Variants in ATG16L1 observed in about 807,000 individuals in gnomAD.
ATG16L1 encodes the protein autophagy-related protein 16-1.
Under a neutral mutation model 88.5 loss-of-function variants are expected in ATG16L1, and 37 were observed. The observed-to-expected ratio is 0.42, with a 90% CI of 0.32 to 0.55. The LOEUF (loss-of-function observed/expected upper bound fraction) is 0.55. ATG16L1 is among the 20% of genes least tolerant of loss of function. The pLI, the probability that ATG16L1 is intolerant of heterozygous loss-of-function variation, is 0.13. For synonymous variants in ATG16L1, 301 were observed against 281.0 expected (o/e 1.07, Z -0.71); for missense variants, 554 against 752.8 (o/e 0.74, Z 3.09).
chr2:233,281,955 G>A (rs1698746775), intron 11 of ATG16L1, among the ~76,000 whole-genome samples: 1 of 152,176 alleles, frequency 6.6e-6, no homozygotes, highest in Non-Finnish European at 1.5e-5. Context: ...AAGTGTCTGG[G>A]CGTTAATCAT....
chr2:233,263,897 T>C (rs1697384605), intron 3 of ATG16L1, 95 bp from the exon 4 acceptor site: 1 of 1,252,182 alleles, frequency 8.0e-7, no homozygotes. Flanking sequence ...CCAGCTCATT[T>C]ATTCTTTCTT....
rs185597903 is a variant in ATG16L1 at position 233,264,078 on chromosome 2, C to T, written c.389+13C>T. 7.7e-5 allele frequency: 125 copies of T among 1,613,640 alleles called. No homozygotes were observed. In the East Asian group the frequency reaches 2.0e-3, roughly 26 times the overall value. On this transcript the variant is annotated intron_variant, in intron 4 of 17. Transcript: ENST00000392017. ...TGAATGAAGCAAAGTGAGTAGAGAC[C>T]CCGCCTCCTTGGAGCCTGGTCATTG...
chr2:233,292,329 C>A, intron 15 of ATG16L1, 52 bp downstream of exon 15: 1 of 1,610,360 alleles, frequency 6.2e-7, no homozygotes, highest in Non-Finnish European at 8.5e-7. Context: ...GCCCTGCTCT[C>A]TTAACGTGCT....
chr2:233,294,176 A>G, intron 17 of ATG16L1, 81 bp from the exon 18 acceptor site: 1 of 1,177,706 alleles, frequency 8.5e-7, no homozygotes, highest in South Asian at 1.6e-5. Flanking sequence ...CCCTGAATGC[A>G]CAAGCTTCTG....
intron 2 of ATG16L1, among the ~76,000 whole-genome samples, chr2:233,259,678 C>T (rs1271523511): frequency 1.3e-5 from 2 of 152,098 alleles, no homozygotes; most frequent in African/African-American, 4.8e-5. Flanking sequence ...ATAAGCCTGC[C>T]CTCCTGACTT....
chr2:233,252,432 A>G (rs1696440869), intron 1 of ATG16L1, among the ~76,000 whole-genome samples: 1 of 151,900 alleles, frequency 6.6e-6, no homozygotes, highest in Admixed American at 6.6e-5. Context: ...CCGAGCCTGG[A>G]GTGCAGTGGC....
intron 13 of ATG16L1, 62 bp downstream of exon 13, chr2:233,290,036 T>G: frequency 2.5e-6 from 4 of 1,598,144 alleles, no homozygotes; most frequent in Non-Finnish European, 3.4e-6. Context: ...AGGTGTGTGT[T>G]TGCACGTCAG....
At position 233,266,883 on chromosome 2, in the gene ATG16L1, A is replaced by C. The variant is rs558858386; in HGVS notation, c.641+1740A>C. The stretch of plus-strand genomic sequence containing the variant: ...TTAAGTGAAATAAGCCAGGCACAGG[A>C]AGGCAGATACTGCGTGCTTCTACAT... On this transcript the variant is annotated intron_variant, in intron 5 of 17. Transcript: ENST00000392017. Among the ~76,000 whole-genome samples, 17 of 152,372 alleles carry C rather than the reference A, an allele frequency of 1.1e-4. No homozygotes were observed. The East Asian group carries it at 3.3e-3, about 29-fold the overall frequency.
chr2:233,281,452 T>A (rs114975317), intron 11 of ATG16L1, among the ~76,000 whole-genome samples: 1 of 152,158 alleles, frequency 6.6e-6, no homozygotes, highest in African/African-American at 2.4e-5. Flanking sequence ...GATGCTGTAC[T>A]CCAGGGGCCA....
intron 2 of ATG16L1, among the ~76,000 whole-genome samples, chr2:233,260,473 A>G (rs956977058): frequency 2.0e-4 from 30 of 152,236 alleles, no homozygotes; most frequent in Non-Finnish European, 1.5e-5. Flanking sequence ...GGAACCAGCA[A>G]CATTCCCATC....
Position 233,282,768 on chromosome 2 carries a change from A to G in ATG16L1, c.1203+15A>G. 1.2e-6 allele frequency: 2 copies of G among 1,612,392 alleles called. No homozygotes were observed. The highest frequency in any genetic ancestry group is 1.7e-6 in the Non-Finnish European group (2 of 1,178,500). ...ATCGATTACGGGTAAGACCCAGTTA[A>G]GAAAGTTAGTGCAATCTCCAAACTT... On this transcript the variant is annotated intron_variant, in intron 12 of 17. Coordinates refer to ENST00000392017, the MANE Select transcript of ATG16L1 (RefSeq NM_030803.7).
intron 12 of ATG16L1, among the ~76,000 whole-genome samples, chr2:233,286,900 C>T (rs369595769): frequency 3.3e-5 from 5 of 151,990 alleles, no homozygotes; most frequent in Admixed American, 6.6e-5. Flanking sequence ...GCTGGGATTA[C>T]AGGCATGAGC....
chr2:233,284,085 C>G lies in ATG16L1; in HGVS notation c.1203+1332C>G, dbSNP rs1439957762. Reference sequence around the variant, plus strand: ...GCTGGTCTTGAACTGACCTCATGATCCACCCACCTCGGCCTCCCAAAGTGC... The same window carrying G: ...GCTGGTCTTGAACTGACCTCATGATGCACCCACCTCGGCCTCCCAAAGTGC... On this transcript the variant is annotated intron_variant, in intron 12 of 17. Coordinates refer to ENST00000392017, the MANE Select transcript of ATG16L1 (RefSeq NM_030803.7). Among the ~76,000 whole-genome samples, 5 of 151,290 alleles carry G rather than the reference C, an allele frequency of 3.3e-5. No individual in the cohort carries two copies. In the East Asian group the frequency reaches 9.8e-4, roughly 30 times the overall value.
Position 233,274,793 on chromosome 2 carries a change from G to C in ATG16L1, c.954+15G>C, listed in dbSNP as rs373694258. 2 of 1,587,910 alleles carry C rather than the reference G, an allele frequency of 1.3e-6. No individual in the cohort carries two copies. Among genetic ancestry groups the C allele is most frequent in the Non-Finnish European group, 1.7e-6 (2 of 1,156,962 alleles). ...TGTGTGTCTTCGTAAGTATGCTTCA[G>C]CCCCGAACCCTACCACGCTTGATAT... On this transcript the variant is annotated intron_variant, in intron 9 of 17. Coordinates refer to ENST00000392017, the MANE Select transcript of ATG16L1 (RefSeq NM_030803.7).
chr2:233,270,813 G>A lies in ATG16L1; in HGVS notation c.707+746G>A, dbSNP rs80033248. ...GAGATTTGAAGCTTTCATAGTGGTA[G>A]AAAAGAGTTTCCTTCGCTCTAGGAT... On this transcript the variant is annotated intron_variant, in intron 6 of 17. Transcript: ENST00000392017. Among the ~76,000 whole-genome samples the A allele has an allele frequency of 7.0e-3, 1,067 of 152,334 alleles. 20 individuals carry two copies. The highest frequency in any genetic ancestry group is 0.024 in the African/African-American group (998 of 41,582).
At chr2:233,269,904 G>T (rs1445024019) in intron 5 of ATG16L1, 98 bp from the exon 6 acceptor site, 1 of 1,215,818 alleles carries the variant, frequency 8.2e-7, no homozygotes, top group African/African-American at 1.6e-5. Flanking sequence ...TACATGCACT[G>T]AATGTGTTAT....
intron 2 of ATG16L1, among the ~76,000 whole-genome samples, chr2:233,259,972 G>C (rs991392011): frequency 3.3e-5 from 5 of 152,310 alleles, no homozygotes; most frequent in Non-Finnish European, 7.4e-5. Context: ...GTAGAGATGA[G>C]TAAGCCAGAG....
intron 16 of ATG16L1, 124 bp downstream of exon 16, chr2:233,292,558 C>A: frequency 8.4e-7 from 1 of 1,194,934 alleles, no homozygotes; most frequent in South Asian, 1.3e-5. Flanking sequence ...AGGAGTGTGC[C>A]TGTAAGTTCA....
At chr2:233,288,581 C>T in intron 12 of ATG16L1, 1 of 359,064 alleles carries the variant, frequency 2.8e-6, no homozygotes, top group Non-Finnish European at 5.6e-6. Flanking sequence ...TTTGCCAACC[C>T]TTGCATTTTC....
Sources: gnomAD v4.1 joint callset for allele counts (sites outside exome capture counted in the v4.1 genomes callset) on GRCh38, gnomAD v4.1.1 for gene constraint, MANE v1.5 for transcripts, NCBI Gene and HGNC (gene_info 2026-07-23, HGNC 2026-07-21) for gene names.